ACAD11: variants seen among roughly 807,000 people sequenced by gnomAD.
The protein encoded by ACAD11 is acyl-Coenzyme A dehydrogenase family, member 11.
In ACAD11, 83 loss-of-function variants were observed where a neutral mutation model predicts 102.2. The ratio of observed to expected loss-of-function variants is 0.81; its 90% CI spans 0.68 to 0.97. The LOEUF (loss-of-function observed/expected upper bound fraction) is 0.97, where lower values mean the gene tolerates loss of function less well. Among genes scored for constraint, ACAD11 ranks in the 50% least tolerant of loss-of-function variants. The pLI is 0.00. For missense variants in ACAD11, 901 were observed against 951.7 expected (o/e 0.95, Z 0.70); for synonymous variants, 324 against 319.8 (o/e 1.01, Z -0.14).
At chr3:132,650,677 A>C (rs1365449218) in intron 1 of ACAD11, among the ~76,000 whole-genome samples, 2 of 152,258 alleles carry the variant, frequency 1.3e-5, no homozygotes, top group East Asian at 3.9e-4. Flanking sequence ...AAAATAAGAA[A>C]AACAGTGAGT....
chr3:132,644,848 T>A lies in ACAD11; in HGVS notation c.198A>T (p.Thr66=). Residue 66 remains threonine (T), a synonymous_variant, in exon 2 of 20, where the codon ACA becomes ACT. Transcript: ENST00000264990. ...PTFYLQKGFQ[T]YVLRKKPPGS... ...CTGGTGGTTTTTTCCTGAGCACATA[T>A]GTTTGAAAGCCCTTCTGGAGATAAA... 6.2e-7 allele frequency: 1 copy of A among 1,613,182 alleles called. No individual in the cohort carries two copies. The highest frequency in any genetic ancestry group is 8.5e-7 in the Non-Finnish European group (1 of 1,179,676).
rs547694424 is a variant in ACAD11, at chr3:132,560,311, T to C, written c.2119-369A>G. On this transcript the variant is annotated intron_variant, in intron 18 of 19. Transcript: ENST00000264990. ...ATGGGCTTTTAGAATTAAATGATTA[T>C]GTCTTTATTTCATATAATCCAGAAA... Among the ~76,000 whole-genome samples, 128 of 151,222 alleles carry C rather than the reference T, an allele frequency of 8.5e-4. 3 individuals are homozygous for C. The South Asian group carries it at 0.025, about 30-fold the overall frequency.
intron 1 of ACAD11, among the ~76,000 whole-genome samples, chr3:132,655,680 C>A (rs557991601): frequency 6.6e-6 from 1 of 152,312 alleles, no homozygotes; most frequent in Admixed American, 6.5e-5. Flanking sequence ...TACATATCAA[C>A]TTCTACATTG....
intron 17 of ACAD11, among the ~76,000 whole-genome samples, chr3:132,574,983 C>T (rs539646550): frequency 2.6e-5 from 4 of 151,988 alleles, no homozygotes; most frequent in Non-Finnish European, 5.9e-5. Flanking sequence ...TACAGGTGCA[C>T]ATCGCCATGC....
chr3:132,608,658 T>C (rs1938968264), intron 11 of ACAD11, among the ~76,000 whole-genome samples: 1 of 151,802 alleles, frequency 6.6e-6, no homozygotes, highest in Non-Finnish European at 1.5e-5. Context: ...TCTTAGAGAC[T>C]ACAAAGAGAC....
chr3:132,591,531 T>A (rs1938073729), intron 13 of ACAD11, among the ~76,000 whole-genome samples: 1 of 152,192 alleles, frequency 6.6e-6, no homozygotes, highest in Non-Finnish European at 1.5e-5. Context: ...TTTTCGAATA[T>A]TCAGAATATA....
At chr3:132,596,125 T>C (rs1400314310) in intron 13 of ACAD11, among the ~76,000 whole-genome samples, 2 of 152,174 alleles carry the variant, frequency 1.3e-5, no homozygotes. Flanking sequence ...ATCATGTTCT[T>C]TGCAGGCACG....
chr3:132,641,139 T>C (rs1472725789), intron 4 of ACAD11, among the ~76,000 whole-genome samples: 2 of 152,156 alleles, frequency 1.3e-5, no homozygotes, highest in African/African-American at 2.4e-5. Flanking sequence ...TGACCATAAG[T>C]TCCTGTGGGG....
intron 11 of ACAD11, among the ~76,000 whole-genome samples, chr3:132,614,004 T>C (rs971708264): frequency 1.3e-5 from 2 of 152,068 alleles, no homozygotes; most frequent in African/African-American, 4.8e-5. Context: ...TGTGCAAAAA[T>C]CACAAGCATT....
At chr3:132,570,427 A>G (rs1937340908) in intron 17 of ACAD11, among the ~76,000 whole-genome samples, 1 of 152,178 alleles carries the variant, frequency 6.6e-6, no homozygotes, top group Non-Finnish European at 1.5e-5. Context: ...GATTCGAGCC[A>G]TATTAACCTT....
intron 13 of ACAD11, among the ~76,000 whole-genome samples, chr3:132,599,455 C>T (rs1325771955): frequency 2.0e-5 from 3 of 151,446 alleles, no homozygotes; most frequent in African/African-American, 4.8e-5. Context: ...TGCAGTGAGC[C>T]GAGATTGTCC....
At chr3:132,570,093 T>C (rs912516620) in intron 17 of ACAD11, among the ~76,000 whole-genome samples, 1 of 152,214 alleles carries the variant, frequency 6.6e-6, no homozygotes, top group Admixed American at 6.5e-5. Context: ...TTCTGTGAGT[T>C]TTCCCAATTT....
At chr3:132,559,803 G>A (rs752666302) in intron 19 of ACAD11, 30 bp downstream of exon 19, 9 of 1,575,708 alleles carry the variant, frequency 5.7e-6, no homozygotes, top group African/African-American at 2.7e-5. Flanking sequence ...CCTATCAAAC[G>A]TAGATGATTC....
chr3:132,563,240 G>C (rs1246947045), intron 17 of ACAD11, among the ~76,000 whole-genome samples: 1 of 152,194 alleles, frequency 6.6e-6, no homozygotes, highest in African/African-American at 2.4e-5. Flanking sequence ...ATTAGGTAGT[G>C]TGATTCACTG....
At chr3:132,561,492 A>G (rs1937055358) in intron 17 of ACAD11, among the ~76,000 whole-genome samples, 1 of 152,194 alleles carries the variant, frequency 6.6e-6, no homozygotes, top group South Asian at 2.1e-4. Flanking sequence ...CTTAATGTCT[A>G]AGGTAAAGAT....
chr3:132,636,411 G>A (rs1391958642), intron 5 of ACAD11, among the ~76,000 whole-genome samples: 1 of 151,948 alleles, frequency 6.6e-6, no homozygotes, highest in Non-Finnish European at 1.5e-5. Context: ...TTACACCATT[G>A]AATTTTATTA....
At chr3:132,620,871 AAGC>A (rs1559962564) in intron 9 of ACAD11, among the ~76,000 whole-genome samples, 1 of 152,212 alleles carries the variant, frequency 6.6e-6, no homozygotes, top group South Asian at 2.1e-4. Flanking sequence ...TTACTAGCTT[AAGC>A]AATTCTCACA....
intron 5 of ACAD11, 36 bp from the exon 6 acceptor site, chr3:132,631,515 A>G: frequency 7.3e-7 from 1 of 1,369,724 alleles, no homozygotes; most frequent in Non-Finnish European, 9.6e-7. Flanking sequence ...TAACACATTA[A>G]AACTTAAAAC....
rs1937533027 is a variant in ACAD11, at chr3:132,576,950, T to G, written c.1840A>C (p.Ile614Leu). The change falls in exon 16 of 20, where the codon ATA (isoleucine) becomes CTA (leucine). Residue 614 changes from isoleucine (I) to leucine (L), a missense_variant. Ile to Leu is a conservative substitution (Grantham distance 5). Coordinates refer to ENST00000264990, the MANE Select transcript of ACAD11 (RefSeq NM_032169.5). ...ATTTCCAAATTCAACTCACCTAGTA[T>G]TAGATTTGTGGCAGGAACTCGCACT... ...NQVRVPATNL[I>L]LGEGRGFEIS... is the part of the protein sequence containing the mutation. The G allele has an allele frequency of 4.4e-6, 7 of 1,604,726 alleles. No homozygotes were observed. The highest frequency in any genetic ancestry group is 1.7e-5 in the Admixed American group (1 of 59,904).
Sources: allele counts gnomAD v4.1 joint callset (sites outside exome capture counted in the v4.1 genomes callset), GRCh38; gene constraint gnomAD v4.1.1; transcripts MANE v1.5; gene names NCBI Gene and HGNC (gene_info 2026-07-23, HGNC 2026-07-21).